Variants in TAOK3 observed in about 807,000 individuals in gnomAD.
TAOK3 encodes TAO kinase 3.
A neutral mutation model predicts 120.4 loss-of-function variants in TAOK3; 40 were observed. That is an observed-to-expected ratio of 0.33 (90% CI 0.26 to 0.43). TAOK3 has a LOEUF of 0.43. Among genes scored for constraint, TAOK3 ranks in the 20% least tolerant of loss-of-function variants. The probability of loss-of-function intolerance (pLI) is 1.00; values close to 1 mark genes in which losing one functional copy is unlikely to be tolerated. For synonymous variants in TAOK3, 355 were observed against 387.5 expected (o/e 0.92, Z 0.99); for missense variants, 821 against 1,112.1 (o/e 0.74, Z 3.72).
chr12:118,214,905 C>A (rs1565958531), intron 9 of TAOK3, among the ~76,000 whole-genome samples: 1 of 151,872 alleles, frequency 6.6e-6, no homozygotes, highest in Non-Finnish European at 1.5e-5. Flanking sequence ...GCCACCATGC[C>A]CGGCTAATTT....
At chr12:118,216,366 C>T (rs1053312917) in intron 9 of TAOK3, among the ~76,000 whole-genome samples, 2 of 152,180 alleles carry the variant, frequency 1.3e-5, no homozygotes, top group East Asian at 3.8e-4. Context: ...TCCAACTCTC[C>T]CTTGGCATAC....
At position 118,189,909 on chromosome 12, in the gene TAOK3, G is replaced by A; in HGVS notation, c.1227C>T (p.His409=). ...GCCGCGGCTCAGGCCTGGGATCGCC[G>A]TGGCCCGCCTCATCCCTTATGAATA... ...DHVFIRDEAG[H]GDPRPEPRPT... is the part of the protein sequence containing the mutation. Residue 409 remains histidine (H), a synonymous_variant, in exon 14 of 21, where the codon CAC becomes CAT. Transcript: ENST00000392533. 1 of 1,614,190 alleles carries A rather than the reference G, an allele frequency of 6.2e-7. No individual in the cohort carries two copies. The highest frequency in any genetic ancestry group is 8.5e-7 in the Non-Finnish European group (1 of 1,180,046).
intron 16 of TAOK3, 74 bp from the exon 17 acceptor site, chr12:118,172,734 A>G: frequency 7.6e-7 from 1 of 1,323,314 alleles, no homozygotes; most frequent in South Asian, 1.2e-5. Context: ...GCAACTGAAG[A>G]TTAAGTTATT....
intron 3 of TAOK3, among the ~76,000 whole-genome samples, chr12:118,251,648 C>G (rs1462696299): frequency 6.6e-6 from 1 of 152,212 alleles, no homozygotes; most frequent in African/African-American, 2.4e-5. Context: ...CGCACACACT[C>G]TAGCTAAATA....
intron 1 of TAOK3, among the ~76,000 whole-genome samples, chr12:118,349,215 C>T (rs1593651565): frequency 6.6e-6 from 1 of 152,122 alleles, no homozygotes; most frequent in African/African-American, 2.4e-5. Flanking sequence ...AAAGCATTTT[C>T]ATTTTAATTA....
intron 17 of TAOK3, among the ~76,000 whole-genome samples, chr12:118,162,691 C>G (rs1029762487): frequency 6.6e-6 from 1 of 152,000 alleles, no homozygotes; most frequent in African/African-American, 2.4e-5. Flanking sequence ...GAGATCTCTC[C>G]CCTTTCATCT....
At chr12:118,222,762 T>C (rs2039299505) in intron 9 of TAOK3, among the ~76,000 whole-genome samples, 2 of 152,078 alleles carry the variant, frequency 1.3e-5, no homozygotes, top group Non-Finnish European at 1.5e-5. Flanking sequence ...TAATGGACTT[T>C]GGAGACTCAG....
At chr12:118,211,028 C>A (rs924960265) in intron 11 of TAOK3, among the ~76,000 whole-genome samples, 8 of 152,174 alleles carry the variant, frequency 5.3e-5, no homozygotes, top group Non-Finnish European at 8.8e-5. Context: ...TGAGCCGCCA[C>A]GCCCGGCCTA....
intron 1 of TAOK3, among the ~76,000 whole-genome samples, chr12:118,302,620 G>A (rs2042919943): frequency 6.6e-6 from 1 of 152,006 alleles, no homozygotes; most frequent in South Asian, 2.1e-4. Context: ...TTTTAATTGT[G>A]GCAAAGCAAA....
chr12:118,272,001 C>G (rs1413377463), intron 1 of TAOK3, among the ~76,000 whole-genome samples: 2 of 152,212 alleles, frequency 1.3e-5, no homozygotes, highest in Non-Finnish European at 2.9e-5. Context: ...AACAATCCAA[C>G]TAGCACGGAG....
intron 13 of TAOK3, 113 bp downstream of exon 13, chr12:118,198,938 T>C (rs2037880963): frequency 1.8e-6 from 2 of 1,098,714 alleles, no homozygotes; most frequent in Non-Finnish European, 1.4e-6. Flanking sequence ...CCAGGTTTAG[T>C]ACCACACTGC....
chr12:118,217,811 G>GTGTGTATATATA (rs1353848789), intron 9 of TAOK3, among the ~76,000 whole-genome samples: 2 of 75,402 alleles, frequency 2.7e-5, no homozygotes, highest in Non-Finnish European at 5.1e-5. Flanking sequence ...GTGTGTGTGT[G>GTGTGTATATATA]TATACATATA....
chr12:118,308,280 C>T (rs1261160549), intron 1 of TAOK3, among the ~76,000 whole-genome samples: 2 of 152,110 alleles, frequency 1.3e-5, no homozygotes, highest in African/African-American at 4.8e-5. Flanking sequence ...GAATAATAGA[C>T]CCTTTGTTTA....
At chr12:118,196,148 G>A (rs1383702886) in intron 13 of TAOK3, among the ~76,000 whole-genome samples, 1 of 152,094 alleles carries the variant, frequency 6.6e-6, no homozygotes, top group East Asian at 1.9e-4. Context: ...CCAGAGTAGA[G>A]GCAAGGACTG....
chr12:118,248,815 C>T (rs532023885), intron 3 of TAOK3, among the ~76,000 whole-genome samples: 3 of 152,134 alleles, frequency 2.0e-5, no homozygotes, highest in East Asian at 3.9e-4. Flanking sequence ...TTAATGCTTC[C>T]ACTCACTTAC....
chr12:118,183,206 G>T (rs1454661056), intron 14 of TAOK3, among the ~76,000 whole-genome samples: 1 of 151,920 alleles, frequency 6.6e-6, no homozygotes, highest in Non-Finnish European at 1.5e-5. Flanking sequence ...TCAGTTTATG[G>T]GTTAAAATAC....
chr12:118,219,418 G>A (rs756609465), intron 9 of TAOK3, among the ~76,000 whole-genome samples: 1 of 151,794 alleles, frequency 6.6e-6, no homozygotes, highest in Non-Finnish European at 1.5e-5. Flanking sequence ...ATCCTTTCAG[G>A]TTTCATCTCA....
At chr12:118,277,463 G>A (rs572896025) in intron 1 of TAOK3, among the ~76,000 whole-genome samples, 4 of 151,636 alleles carry the variant, frequency 2.6e-5, no homozygotes, top group Admixed American at 6.6e-5. Context: ...GATCCACCAT[G>A]TATTTTTTTT....
At chr12:118,182,624 T>TA (rs371618546) in intron 14 of TAOK3, among the ~76,000 whole-genome samples, 12,624 of 56,082 alleles carry the variant, frequency 0.23, 664 homozygotes, top group Middle Eastern at 0.29. Context: ...TATATATATA[T>TA]TTTTTTTTTT....
Sources: gnomAD v4.1 joint callset for allele counts (sites outside exome capture counted in the v4.1 genomes callset) on GRCh38, gnomAD v4.1.1 for gene constraint, MANE v1.5 for transcripts, NCBI Gene and HGNC (gene_info 2026-07-23, HGNC 2026-07-21) for gene names.